SNX13: variants seen among roughly 807,000 people sequenced by gnomAD.
The protein encoded by SNX13 is sorting nexin 13.
Under a neutral mutation model 133.6 loss-of-function variants are expected in SNX13, and 45 were observed. The ratio of observed to expected loss-of-function variants is 0.34; its 90% CI spans 0.27 to 0.43. The LOEUF is 0.43. SNX13 is among the 20% of genes least tolerant of loss of function. The probability of loss-of-function intolerance (pLI) is 1.00; values close to 1 mark genes in which losing one functional copy is unlikely to be tolerated. For synonymous variants in SNX13, 414 were observed against 373.9 expected (o/e 1.11, Z -1.24); for missense variants, 1,032 against 1,145.1 (o/e 0.90, Z 1.43).
chr7:17,925,917 T>G (rs148006187), intron 1 of SNX13, among the ~76,000 whole-genome samples: 2 of 152,314 alleles, frequency 1.3e-5, no homozygotes, highest in African/African-American at 2.4e-5. Flanking sequence ...CTGGGAAAAT[T>G]TGCACATACC....
Position 17,793,955 on chromosome 7 carries a change from A to C in SNX13, c.*90T>G. The C allele has an allele frequency of 3.4e-5, 47 of 1,387,036 alleles. No homozygotes were observed. The highest frequency in any genetic ancestry group is 4.5e-5 in the Non-Finnish European group (46 of 1,014,844). The allele number at this position is 1,387,036 out of a possible 1,614,324, so 85.9% of individuals were successfully genotyped here. A position where few individuals can be genotyped will look rare whatever the true frequency, so the allele number is the denominator to read the frequency against. On this transcript the variant is annotated 3_prime_UTR_variant, in exon 26 of 26. Coordinates refer to ENST00000428135, the MANE Select transcript of SNX13 (RefSeq NM_015132.5). ...TTTTGAGACACTAAAAGACTGGTGC[A>C]GACACAACAGTATTTGAGTTAAGCC...
intron 8 of SNX13, 32 bp downstream of exon 8, chr7:17,873,496 G>A (rs2128352441): frequency 7.1e-7 from 1 of 1,416,846 alleles, no homozygotes; most frequent in South Asian, 1.6e-5. Context: ...ACATTTTTTT[G>A]CAGGTATGAT....
At chr7:17,888,419 T>C (rs756957586) in intron 5 of SNX13, 3 of 228,582 alleles carry the variant, frequency 1.3e-5, no homozygotes, top group African/African-American at 4.7e-5. Flanking sequence ...AGGGAAAGTA[T>C]TGCAATAACA....
chr7:17,891,521 T>C (rs751098434), intron 4 of SNX13, 25 bp downstream of exon 4: 3 of 1,557,540 alleles, frequency 1.9e-6, no homozygotes, highest in Non-Finnish European at 1.8e-6. Flanking sequence ...TATATAGAAT[T>C]CAAATACCAC....
At chr7:17,925,743 C>T (rs1451765403) in intron 1 of SNX13, among the ~76,000 whole-genome samples, 1 of 150,982 alleles carries the variant, frequency 6.6e-6, no homozygotes, top group East Asian at 1.9e-4. Flanking sequence ...CTACAATGCA[C>T]AGGACAATCT....
chr7:17,848,856 G>A (rs908872665), intron 11 of SNX13, among the ~76,000 whole-genome samples: 1 of 152,162 alleles, frequency 6.6e-6, no homozygotes, highest in Non-Finnish European at 1.5e-5. Flanking sequence ...GAAGGGGTCA[G>A]GGAAGTACCC....
Position 17,845,528 on chromosome 7 carries a change from T to C in SNX13, c.1165+67A>G. On this transcript the variant is annotated intron_variant, in intron 12 of 25. Coordinates refer to ENST00000428135, the MANE Select transcript of SNX13 (RefSeq NM_015132.5). ...GTTGAGATACTAAATTTTATGTGTATTTTACAATAAAAAATCGAAAAAGAA... is the reference window on the plus strand; with the variant it reads ...GTTGAGATACTAAATTTTATGTGTACTTTACAATAAAAAATCGAAAAAGAA... 4.0e-6 allele frequency: 4 copies of C among 998,636 alleles called. No homozygotes were observed. The Admixed American group carries it at 1.1e-4, about 28-fold the overall frequency. 61.9% of individuals were successfully genotyped at this position (998,636 alleles called of 1,614,324 possible).
Position 17,816,037 on chromosome 7 carries a change from G to A in SNX13, c.1953+145C>T, listed in dbSNP as rs116650904. On this transcript the variant is annotated intron_variant, in intron 19 of 25. Coordinates refer to ENST00000428135, the MANE Select transcript of SNX13 (RefSeq NM_015132.5). Reference sequence around the variant, plus strand: ...TTACAAATTACTAAGCAGACTGCACGTCACATTTGACATGCTGCACAAAAG... The same window carrying A: ...TTACAAATTACTAAGCAGACTGCACATCACATTTGACATGCTGCACAAAAG... The A allele has an allele frequency of 4.6e-4, 372 of 813,788 alleles. No individual in the cohort carries two copies. The African/African-American group carries it at 5.8e-3, about 13-fold the overall frequency. 50.4% of individuals were successfully genotyped at this position (813,788 alleles called of 1,614,324 possible).
Position 17,821,650 on chromosome 7 carries a change from T to A in SNX13, c.1706-2A>T, listed in dbSNP as rs1467222912. ...TCTTGCCATGATCATTACAAACGCC[T>A]GCCACAGCATATGGGTCATAGTCAG... On this transcript the variant is annotated splice_acceptor_variant, in intron 17 of 25. Coordinates refer to ENST00000428135, the MANE Select transcript of SNX13 (RefSeq NM_015132.5). LOFTEE classifies it high-confidence loss of function. 6.2e-7 allele frequency: 1 copy of A among 1,613,024 alleles called. No homozygotes were observed. Among genetic ancestry groups the A allele is most frequent in the Non-Finnish European group, 8.5e-7 (1 of 1,179,382 alleles).
intron 1 of SNX13, among the ~76,000 whole-genome samples, chr7:17,903,499 C>G (rs1163383784): frequency 6.6e-6 from 1 of 152,176 alleles, no homozygotes; most frequent in African/African-American, 2.4e-5. Flanking sequence ...TCAAATCTCA[C>G]CTTTACCATT....
chr7:17,801,364 G>A (rs1254419308), intron 22 of SNX13, among the ~76,000 whole-genome samples: 1 of 151,742 alleles, frequency 6.6e-6, no homozygotes, highest in East Asian at 1.9e-4. Flanking sequence ...GGAGGCGAAG[G>A]TCCTAACAGG....
chr7:17,844,225 A>AC (rs1305113074), intron 12 of SNX13, among the ~76,000 whole-genome samples: 1 of 152,028 alleles, frequency 6.6e-6, no homozygotes, highest in Non-Finnish European at 1.5e-5. Context: ...ATCGGAAGTG[A>AC]AAGTGGGGAT....
chr7:17,921,711 T>G (rs1800148969), intron 1 of SNX13, among the ~76,000 whole-genome samples: 1 of 152,156 alleles, frequency 6.6e-6, no homozygotes, highest in Non-Finnish European at 1.5e-5. Context: ...ACATACAAAT[T>G]AAATCAAAAT....
chr7:17,863,832 T>C (rs1336729378), intron 9 of SNX13, among the ~76,000 whole-genome samples: 1 of 152,194 alleles, frequency 6.6e-6, no homozygotes, highest in East Asian at 1.9e-4. Context: ...AAACAGACCC[T>C]TTGTAATTAA....
At chr7:17,923,244 G>T (rs1800329534) in intron 1 of SNX13, among the ~76,000 whole-genome samples, 1 of 152,120 alleles carries the variant, frequency 6.6e-6, no homozygotes, top group African/African-American at 2.4e-5. Flanking sequence ...CCAAATTGTG[G>T]TAATAATCAG....
intron 1 of SNX13, among the ~76,000 whole-genome samples, chr7:17,924,018 T>C (rs369169909): frequency 1.2e-4 from 18 of 152,362 alleles, no homozygotes; most frequent in African/African-American, 4.3e-4. Context: ...TCTTCTTTTA[T>C]CTATTTATCT....
At chr7:17,830,079 C>A in intron 15 of SNX13, 32 bp from the exon 16 acceptor site, 1 of 1,458,346 alleles carries the variant, frequency 6.9e-7, no homozygotes, top group Non-Finnish European at 9.1e-7. Context: ...TAGTATACAG[C>A]AAAAAACTTT....
chr7:17,915,617 GT>G (rs1799467754), intron 1 of SNX13, among the ~76,000 whole-genome samples: 1 of 150,890 alleles, frequency 6.6e-6, no homozygotes, highest in African/African-American at 2.5e-5. Flanking sequence ...GTCTCTGTCT[GT>G]CTGTCTGTCT....
In SNX13 at chr7:17,816,200, A is replaced by C; in HGVS notation, c.1935T>G (p.Asp645Glu). 1 of 1,537,316 alleles carries C rather than the reference A, an allele frequency of 6.5e-7. No homozygotes were observed. The highest frequency in any genetic ancestry group is 8.8e-7 in the Non-Finnish European group (1 of 1,140,072). Residue 645 changes from aspartate (D) to glutamate (E), a missense_variant, in exon 19 of 26, where the codon GAT (aspartate) becomes GAG (glutamate). By Grantham distance (45) the Asp-to-Glu change is conservative (BLOSUM62 2). Transcript: ENST00000428135. ...AGCTTACCTGCAAATATGCATTTAG[A>C]TCCTTTTTTCTCTTTTCTAAAAAAT... is the stretch of plus-strand genomic sequence containing the variant. ...DRDFLEKRKK[D>E]LNAYLQLLLA... is the part of the protein sequence containing the mutation.
Sources: gnomAD v4.1 joint callset for allele counts (sites outside exome capture counted in the v4.1 genomes callset) on GRCh38, gnomAD v4.1.1 for gene constraint, MANE v1.5 for transcripts, NCBI Gene and HGNC (gene_info 2026-07-23, HGNC 2026-07-21) for gene names.